The following SUGCT variants were observed in gnomAD, a reference collection of about 807,000 sequenced individuals.
SUGCT encodes the protein succinyl-CoA:glutarate-CoA transferase.
Under a neutral mutation model 55.0 loss-of-function variants are expected in SUGCT, and 41 were observed. The ratio of observed to expected loss-of-function variants is 0.74; its 90% CI spans 0.58 to 0.97. The LOEUF (loss-of-function observed/expected upper bound fraction) is 0.97, where lower values mean the gene tolerates loss of function less well. Among genes scored for constraint, SUGCT ranks in the 50% least tolerant of loss-of-function variants. The pLI is 0.00. For missense variants in SUGCT, 568 were observed against 547.8 expected (o/e 1.04, Z -0.37); for synonymous variants, 187 against 200.4 (o/e 0.93, Z 0.56).
rs368055553 is a variant in SUGCT at position 40,631,343 on chromosome 7, A to T, written c.1090-118091A>T. Among the ~76,000 whole-genome samples, 99 of 152,294 alleles carry T rather than the reference A, an allele frequency of 6.5e-4. No homozygotes were observed. The South Asian group carries it at 0.016, about 25-fold the overall frequency. On this transcript the variant is annotated intron_variant, in intron 12 of 13. Transcript: ENST00000335693. ...TAAGCTTGGCTGTGTATGGACGGTT[A>T]TAAGTTTTGGATATAAAATGCATCC...
At chr7:40,761,769 G>A (rs191560784) in intron 13 of SUGCT, among the ~76,000 whole-genome samples, 3 of 152,332 alleles carry the variant, frequency 2.0e-5, no homozygotes, top group Non-Finnish European at 4.4e-5. Context: ...CATGAGACAA[G>A]TTGTAATGGT....
chr7:40,854,419 C>CCTTTCTTTTTCTTT (rs1794037636), intron 13 of SUGCT, among the ~76,000 whole-genome samples: 1 of 88,804 alleles, frequency 1.1e-5, no homozygotes, highest in Non-Finnish European at 2.2e-5. Context: ...TTCTTTCTTT[C>CCTTTCTTTTTCTTT]CTTTCTTTCT....
At chr7:40,874,667 C>T in the SUGCT span, among the ~76,000 whole-genome samples, 1 of 152,072 alleles carries the variant, frequency 6.6e-6, no homozygotes, top group Admixed American at 6.5e-5. Flanking sequence ...TTCTCTAGGG[C>T]CAAGAGTGCA....
intron 12 of SUGCT, among the ~76,000 whole-genome samples, chr7:40,606,125 A>G (rs1483056905): frequency 2.0e-5 from 3 of 152,242 alleles, no homozygotes; most frequent in Non-Finnish European, 4.4e-5. Flanking sequence ...AAAAATAGCA[A>G]CAGGAAGCTG....
At chr7:40,910,666 A>G in the SUGCT span, among the ~76,000 whole-genome samples, 2,483 of 152,202 alleles carry the variant, frequency 0.016, 23 homozygotes, top group Middle Eastern at 0.051. Context: ...CCTTTGCTCT[A>G]TTTGGTTCCT....
At chr7:40,211,710 G>C (rs1447666695) in intron 6 of SUGCT, among the ~76,000 whole-genome samples, 2 of 152,190 alleles carry the variant, frequency 1.3e-5, no homozygotes, top group Admixed American at 1.3e-4. Context: ...CAAGGCCCAG[G>C]TGGAATCTGG....
At chr7:40,162,484 T>C (rs1784224121) in intron 1 of SUGCT, among the ~76,000 whole-genome samples, 1 of 152,080 alleles carries the variant, frequency 6.6e-6, no homozygotes, top group African/African-American at 2.4e-5. Context: ...GCAAGTATTT[T>C]CCTTTTTTGT....
Position 40,640,301 on chromosome 7 carries a change from A to G in SUGCT, c.1090-109133A>G, listed in dbSNP as rs567003593. On this transcript the variant is annotated intron_variant, in intron 12 of 13. Coordinates refer to ENST00000335693, the MANE Select transcript of SUGCT (RefSeq NM_001193313.2). ...TTTGTGTATCTTACCACCTCAAGAT[A>G]TAAGCATTTAGCAGCTGGAAACCTT... is the stretch of plus-strand genomic sequence containing the variant. 4.6e-5 allele frequency among the ~76,000 whole-genome samples: 7 copies of G among 152,370 alleles called. No homozygotes were observed. The South Asian group carries it at 1.2e-3, about 27-fold the overall frequency.
chr7:40,795,793 CT>C (rs1790525995), intron 13 of SUGCT, among the ~76,000 whole-genome samples: 4 of 152,240 alleles, frequency 2.6e-5, no homozygotes, highest in Admixed American at 6.5e-5. Context: ...ATTCTTCCCC[CT>C]ATTACGGAAA....
At chr7:40,414,034 GTTATTTGCTA>G (rs976667449) in intron 9 of SUGCT, among the ~76,000 whole-genome samples, 11 of 151,844 alleles carry the variant, frequency 7.2e-5, no homozygotes, top group African/African-American at 2.7e-4. Flanking sequence ...TTATTTCTCT[GTTATTTGCTA>G]TTACTATAAA....
At chr7:40,905,037 T>C in the SUGCT span, among the ~76,000 whole-genome samples, 1 of 152,210 alleles carries the variant, frequency 6.6e-6, no homozygotes, top group East Asian at 1.9e-4. Flanking sequence ...GGTTAACTCA[T>C]GGAGTGAGAT....
the SUGCT span, among the ~76,000 whole-genome samples, chr7:40,889,883 G>T: frequency 1.3e-5 from 2 of 152,086 alleles, no homozygotes; most frequent in African/African-American, 4.8e-5. Context: ...CCACAACTCA[G>T]ATTCTACCCT....
chr7:40,484,604 C>T (rs1306521265), intron 11 of SUGCT, among the ~76,000 whole-genome samples: 1 of 152,152 alleles, frequency 6.6e-6, no homozygotes, highest in Non-Finnish European at 1.5e-5. Context: ...AGATTTGAGC[C>T]TTCAGATCCA....
intron 9 of SUGCT, among the ~76,000 whole-genome samples, chr7:40,439,463 A>G (rs751449156): frequency 1.3e-5 from 2 of 152,002 alleles, no homozygotes; most frequent in Non-Finnish European, 2.9e-5. Context: ...TTTTTGTCAT[A>G]TCCATCTGGC....
At chr7:40,878,007 T>C in the SUGCT span, among the ~76,000 whole-genome samples, 4 of 152,242 alleles carry the variant, frequency 2.6e-5, no homozygotes, top group Non-Finnish European at 5.9e-5. Context: ...AATGTTTCCT[T>C]CACTTTCCCA....
intron 11 of SUGCT, among the ~76,000 whole-genome samples, chr7:40,470,261 C>T (rs1790337415): frequency 6.6e-6 from 1 of 152,098 alleles, no homozygotes; most frequent in African/African-American, 2.4e-5. Flanking sequence ...TTGGGTCAGA[C>T]TGAGTTCTGC....
At chr7:40,332,030 G>T (rs527364902) in intron 9 of SUGCT, among the ~76,000 whole-genome samples, 1 of 152,306 alleles carries the variant, frequency 6.6e-6, no homozygotes, top group African/African-American at 2.4e-5. Context: ...TTGAATGTTT[G>T]CCACATAAAT....
the SUGCT span, among the ~76,000 whole-genome samples, chr7:41,028,728 A>G: frequency 3.3e-5 from 5 of 152,212 alleles, no homozygotes; most frequent in Admixed American, 6.5e-5. Flanking sequence ...TTGTTGACTA[A>G]AATGTTGTCA....
intron 9 of SUGCT, among the ~76,000 whole-genome samples, chr7:40,371,945 A>AACACACACAC (rs137960410): frequency 6.7e-4 from 99 of 147,794 alleles, no homozygotes; most frequent in African/African-American, 1.8e-3. Flanking sequence ...ATACATCTCG[A>AACACACACAC]ACACACACAC....
Sources: gnomAD v4.1 joint callset for allele counts (sites outside exome capture counted in the v4.1 genomes callset) on GRCh38, gnomAD v4.1.1 for gene constraint, MANE v1.5 for transcripts, NCBI Gene and HGNC (gene_info 2026-07-23, HGNC 2026-07-21) for gene names.